The following IGF2BP2 variants were observed in gnomAD, a reference collection of about 807,000 sequenced individuals.
The protein encoded by IGF2BP2 is insulin like growth factor 2 mRNA binding protein 2, also known as insulin-like growth factor 2 mRNA-binding protein 2.
Under a neutral mutation model 75.8 loss-of-function variants are expected in IGF2BP2, and 17 were observed. That is an observed-to-expected ratio of 0.22 (90% CI 0.15 to 0.34). The LOEUF is 0.34. Ranked by LOEUF, IGF2BP2 falls within the 10% of genes least tolerant of loss-of-function variation. IGF2BP2 has a pLI of 1.00. For missense variants in IGF2BP2, 516 were observed against 772.4 expected (o/e 0.67, Z 3.93); for synonymous variants, 288 against 295.6 (o/e 0.97, Z 0.26).
chr3:185,711,391 T>C (rs976974486), intron 2 of IGF2BP2, among the ~76,000 whole-genome samples: 1 of 152,192 alleles, frequency 6.6e-6, no homozygotes, highest in Non-Finnish European at 1.5e-5. Flanking sequence ...TGAATGAACA[T>C]GACAGGGTTA....
intron 2 of IGF2BP2, among the ~76,000 whole-genome samples, chr3:185,709,088 C>T (rs1724448822): frequency 6.6e-6 from 1 of 152,144 alleles, no homozygotes; most frequent in African/African-American, 2.4e-5. Context: ...ATTTACACAT[C>T]ATCATTTGAG....
In IGF2BP2 at chr3:185,705,317, G is replaced by C. The variant is rs191320972; in HGVS notation, c.240-6970C>G. On this transcript the variant is annotated intron_variant, in intron 2 of 15. Transcript: ENST00000382199. ...TCACCATGTTGGCCAGGGTGGTCTC[G>C]ATCTCCTGACCTCGTGATCCGCCTG... 3.9e-5 allele frequency among the ~76,000 whole-genome samples: 6 copies of C among 152,086 alleles called. No homozygotes were observed. In the East Asian group the frequency reaches 1.2e-3, roughly 30 times the overall value.
chr3:185,770,556 G>A (rs570787696), intron 2 of IGF2BP2, among the ~76,000 whole-genome samples: 40 of 152,338 alleles, frequency 2.6e-4, no homozygotes, highest in Non-Finnish European at 5.1e-4. Context: ...GCTTGCCTGT[G>A]TAATCTGGAA....
Position 185,649,478 on chromosome 3 carries a change from T to C in IGF2BP2, c.1518A>G (p.Glu506=). The C allele has an allele frequency of 6.2e-7, 1 of 1,614,194 alleles. No individual in the cohort carries two copies. The highest frequency in any genetic ancestry group is 8.5e-7 in the Non-Finnish European group (1 of 1,180,022). The change falls in exon 14 of 16, where the codon GAA becomes GAG. Residue 506 remains glutamate, a synonymous_variant. Transcript: ENST00000382199. ...LKEENFFNPK[E]EVKLEAHIRV... ...TGATATGCGCTTCCAGCTTCACTTC[T>C]TCTTTGGGGTTAAAGAAGTTTTCCT... is the stretch of plus-strand genomic sequence containing the variant.
intron 2 of IGF2BP2, among the ~76,000 whole-genome samples, chr3:185,801,470 C>T (rs1578354196): frequency 1.1e-5 from 1 of 93,908 alleles, no homozygotes; most frequent in Non-Finnish European, 2.0e-5. Context: ...GCCTGGGCAA[C>T]AAGAGCAAAA....
intron 2 of IGF2BP2, among the ~76,000 whole-genome samples, chr3:185,718,684 CAAAAA>C (rs10699427): frequency 4.0e-5 from 2 of 49,528 alleles, no homozygotes; most frequent in African/African-American, 8.7e-5. Context: ...GACTCTGTCT[CAAAAA>C]AAAAAAAAAA....
chr3:185,811,336 C>T (rs1198922313), intron 2 of IGF2BP2, among the ~76,000 whole-genome samples: 3 of 152,150 alleles, frequency 2.0e-5, no homozygotes, highest in African/African-American at 7.2e-5. Context: ...CACTCATAGA[C>T]AAGCCTATGT....
At chr3:185,696,989 GACTC>G (rs1270566419) in intron 3 of IGF2BP2, among the ~76,000 whole-genome samples, 2 of 152,154 alleles carry the variant, frequency 1.3e-5, no homozygotes, top group Non-Finnish European at 2.9e-5. Flanking sequence ...TAAAGTACAA[GACTC>G]ACTCCACTTT....
chr3:185,794,338 GTTGTTCCTAAA>G lies in IGF2BP2; in HGVS notation c.239+28804_239+28814del, dbSNP rs1737055561. 3.2e-5 allele frequency among the ~76,000 whole-genome samples: 3 copies of G among 93,730 alleles called. 1 individual carries two copies. The highest frequency in any genetic ancestry group is 5.1e-5 in the African/African-American group (1 of 19,730). The allele number at this position is 93,730 out of a possible 152,430, so 61.5% of individuals were successfully genotyped here. On this transcript the variant is annotated intron_variant, in intron 2 of 15. Coordinates refer to ENST00000382199, the MANE Select transcript of IGF2BP2 (RefSeq NM_006548.6). ...CTGGCTCCTTATCCTCACACAGGCA[GTTGTTCCTAAA>G]TATTTCTTTGCTAAGGACTTAATCA...
At chr3:185,700,000 AGAGACGTTGTTTTAATAGAAG>A (rs1723074575) in intron 2 of IGF2BP2, among the ~76,000 whole-genome samples, 1 of 152,198 alleles carries the variant, frequency 6.6e-6, no homozygotes, top group Non-Finnish European at 1.5e-5. Context: ...TTTAAATGTT[AGAGACGTTGTTTTAATAGAAG>A]AGCTTGACAC....
Position 185,645,715 on chromosome 3 carries a change from G to T in IGF2BP2, c.1708-92C>A, listed in dbSNP as rs1713397186. On this transcript the variant is annotated intron_variant, in intron 15 of 15. Coordinates refer to ENST00000382199, the MANE Select transcript of IGF2BP2 (RefSeq NM_006548.6). The surrounding 1 kb of genome is among the most constrained non-coding windows in gnomAD (Gnocchi z 4.9). ...CGGCAGGGGAGGCTCTGGGGCTTGGGGATGAAGGGTGGAATGCTCAGACAA... is the reference window on the plus strand; with the variant it reads ...CGGCAGGGGAGGCTCTGGGGCTTGGTGATGAAGGGTGGAATGCTCAGACAA... The T allele has an allele frequency of 3.2e-5, 29 of 895,378 alleles. No individual in the cohort carries two copies. Among genetic ancestry groups the T allele is most frequent in the Non-Finnish European group, 5.2e-5 (28 of 538,136 alleles). 55.5% of individuals were successfully genotyped at this position (895,378 alleles called of 1,614,324 possible).
At chr3:185,738,947 C>T (rs1053510496) in intron 2 of IGF2BP2, among the ~76,000 whole-genome samples, 3 of 152,170 alleles carry the variant, frequency 2.0e-5, no homozygotes, top group Non-Finnish European at 4.4e-5. Context: ...TTCCTTTCCA[C>T]TCCTACAAAA....
chr3:185,816,827 T>C (rs1560517714), intron 2 of IGF2BP2, among the ~76,000 whole-genome samples: 1 of 152,226 alleles, frequency 6.6e-6, no homozygotes, highest in Non-Finnish European at 1.5e-5. Context: ...GAGATAATAC[T>C]ACTACCATTG....
chr3:185,782,089 C>T (rs1173946632), intron 2 of IGF2BP2, among the ~76,000 whole-genome samples: 1 of 152,092 alleles, frequency 6.6e-6, no homozygotes, highest in Non-Finnish European at 1.5e-5. Context: ...TGAGATCTTG[C>T]TAAATTTAAA....
intron 15 of IGF2BP2, among the ~76,000 whole-genome samples, chr3:185,646,077 C>A (rs924938449): frequency 4.6e-5 from 7 of 152,174 alleles, no homozygotes; most frequent in Non-Finnish European, 8.8e-5. Flanking sequence ...CATGAACCCC[C>A]ACCTGTCCCC....
At chr3:185,707,687 A>G (rs1042782534) in intron 2 of IGF2BP2, among the ~76,000 whole-genome samples, 1 of 152,144 alleles carries the variant, frequency 6.6e-6, no homozygotes, top group Admixed American at 6.5e-5. Context: ...TCCAAGAAAC[A>G]TGATAATTTT....
At chr3:185,727,230 A>AAAAGT (rs1727469682) in intron 2 of IGF2BP2, among the ~76,000 whole-genome samples, 1 of 151,964 alleles carries the variant, frequency 6.6e-6, no homozygotes, top group Admixed American at 6.5e-5. Context: ...AAAAAAAAAA[A>AAAAGT]AAAAGTAAAA....
At chr3:185,787,120 C>T (rs562488327) in intron 2 of IGF2BP2, among the ~76,000 whole-genome samples, 19 of 152,108 alleles carry the variant, frequency 1.2e-4, no homozygotes, top group Admixed American at 7.9e-4. Context: ...TGGTGATGGC[C>T]GGAGGCTGGA....
intron 2 of IGF2BP2, among the ~76,000 whole-genome samples, chr3:185,748,123 C>T (rs983895820): frequency 6.6e-6 from 1 of 152,144 alleles, no homozygotes; most frequent in African/African-American, 2.4e-5. Context: ...CCAGGATGGT[C>T]TCGATCTCCT....
Sources: allele counts gnomAD v4.1 joint callset (sites outside exome capture counted in the v4.1 genomes callset), GRCh38; gene constraint gnomAD v4.1.1; non-coding constraint Gnocchi (gnomAD v3.1); transcripts MANE v1.5; gene names NCBI Gene and HGNC (gene_info 2026-07-23, HGNC 2026-07-21).